MOK: variants seen among roughly 807,000 people sequenced by gnomAD.
MOK encodes MAPK/MAK/MRK overlapping kinase.
In MOK, 59 loss-of-function variants were observed where a neutral mutation model predicts 54.2. The ratio of observed to expected loss-of-function variants is 1.09; its 90% CI spans 0.88 to 1.35. MOK has a LOEUF of 1.35. MOK is among the 40% of genes most tolerant of loss of function. The pLI is 0.00. For synonymous variants in MOK, 210 were observed against 202.7 expected, an observed-to-expected ratio of 1.04 and a Z score of -0.31; for missense variants, 517 against 526.2, an observed-to-expected ratio of 0.98 and a Z score of 0.17.
chr14:102,228,485 T>C (rs1040827265), downstream of MOK, among the ~76,000 whole-genome samples: 4 of 151,770 alleles, frequency 2.6e-5, no homozygotes, highest in African/African-American at 9.7e-5. Flanking sequence ...TCACCTGAAG[T>C]CGGGAGTTTT....
chr14:102,248,651 G>A (rs1005127920), intron 7 of MOK, among the ~76,000 whole-genome samples: 1 of 151,842 alleles, frequency 6.6e-6, no homozygotes, highest in African/African-American at 2.4e-5. Context: ...GCTGGCGGGT[G>A]CCTGTAGTCC....
chr14:102,281,534 C>A, intron 2 of MOK, among the ~76,000 whole-genome samples: 1 of 148,722 alleles, frequency 6.7e-6, no homozygotes. Flanking sequence ...AAAAGCATCA[C>A]ACCCTACTGT....
chr14:102,216,856 C>G, the MOK span, among the ~76,000 whole-genome samples: 1 of 152,160 alleles, frequency 6.6e-6, no homozygotes, highest in Non-Finnish European at 1.5e-5. Context: ...TCACTTGAAC[C>G]CAGGAGGTGG....
At chr14:102,237,022 C>A (rs1222305545) in intron 7 of MOK, among the ~76,000 whole-genome samples, 1 of 152,206 alleles carries the variant, frequency 6.6e-6, no homozygotes, top group East Asian at 1.9e-4. Flanking sequence ...CTGCTATTGA[C>A]CTAAAAGATG....
chr14:102,282,596 G>A (rs1232693156), intron 2 of MOK, among the ~76,000 whole-genome samples: 6 of 151,930 alleles, frequency 3.9e-5, no homozygotes, highest in East Asian at 3.9e-4. Context: ...TTAGCCAGGC[G>A]TGTGGTGTGC....
At chr14:102,217,298 G>C in the MOK span, among the ~76,000 whole-genome samples, 18 of 152,350 alleles carry the variant, frequency 1.2e-4, no homozygotes, top group Admixed American at 8.5e-4. Flanking sequence ...AAGGCCCACT[G>C]ACTTGCACAC....
chr14:102,223,174 T>A (rs917352177), downstream of MOK: 2 of 201,222 alleles, frequency 9.9e-6, no homozygotes, highest in African/African-American at 4.7e-5. Context: ...CATATATATA[T>A]AATATATACA....
chr14:102,272,915 T>C (rs1473039313), intron 2 of MOK, among the ~76,000 whole-genome samples: 1 of 152,212 alleles, frequency 6.6e-6, no homozygotes, highest in African/African-American at 2.4e-5. Flanking sequence ...CTCACGCCTG[T>C]AATCCCAGCA....
In MOK at chr14:102,233,687, CT is replaced by C; in HGVS notation, c.692del (p.Gln231ArgfsTer5). 6 of 1,610,562 alleles carry C rather than the reference CT, an allele frequency of 3.7e-6. No homozygotes were observed. The highest frequency in any genetic ancestry group is 5.1e-6 in the Non-Finnish European group (6 of 1,176,736). On this transcript the variant is annotated frameshift_variant and splice_region_variant, in exon 8 of 12. Transcript: ENST00000361847. LOFTEE classifies it high-confidence loss of function. Reference sequence around the variant, plus strand: ...ATCCACTCTCAGAACACAATACTTACTGTTTGAACTTGGTGAGGATCTTCTG... The same window carrying C: ...ATCCACTCTCAGAACACAATACTTACGTTTGAACTTGGTGAGGATCTTCTG... The part of the protein sequence containing the change: ...PAQKILTKFK[Q>X]SRAMNFDFPF...
chr14:102,261,291 T>C (rs773621801), intron 4 of MOK, among the ~76,000 whole-genome samples: 65 of 134,274 alleles, frequency 4.8e-4, no homozygotes, highest in Middle Eastern at 4.7e-3. Flanking sequence ...TGGTAGCACA[T>C]GCCTGTAGTC....
At chr14:102,273,093 C>G (rs1230450544) in intron 2 of MOK, among the ~76,000 whole-genome samples, 1 of 151,782 alleles carries the variant, frequency 6.6e-6, no homozygotes, top group Non-Finnish European at 1.5e-5. Flanking sequence ...TCACTTGAAC[C>G]CGGGAGGTGG....
intron 2 of MOK, among the ~76,000 whole-genome samples, chr14:102,266,666 T>C (rs1038746250): frequency 1.3e-5 from 2 of 152,154 alleles, no homozygotes; most frequent in African/African-American, 4.8e-5. Context: ...CACTGCAACC[T>C]CTGCCTCCCG....
chr14:102,299,690 A>G (rs1057467374), intron 1 of MOK, among the ~76,000 whole-genome samples: 4 of 152,086 alleles, frequency 2.6e-5, no homozygotes, highest in African/African-American at 7.2e-5. Flanking sequence ...GGTTCAAGCA[A>G]TGCTCCTCCC....
Position 102,240,289 on chromosome 14 carries a change from C to T in MOK, c.591-6500G>A, listed in dbSNP as rs944906828. On this transcript the variant is annotated intron_variant, in intron 7 of 11. Coordinates refer to ENST00000361847, the MANE Select transcript of MOK (RefSeq NM_014226.3). This position sits in a 1 kb window ranked among gnomAD's most constrained non-coding sequence, Gnocchi z 5.4. ...ACAGCCTTGTTGCTCACACAAAGCC[C>T]GTTTGGTGGTCTCTTCACAGGGACG... is the stretch of plus-strand genomic sequence containing the variant. Among the ~76,000 whole-genome samples the T allele has an allele frequency of 2.0e-5, 3 of 152,186 alleles. No individual in the cohort carries two copies. Among genetic ancestry groups the T allele is most frequent in the African/African-American group, 7.2e-5 (3 of 41,448 alleles).
At chr14:102,271,529 T>C (rs2068360433) in intron 2 of MOK, among the ~76,000 whole-genome samples, 1 of 152,200 alleles carries the variant, frequency 6.6e-6, no homozygotes, top group Non-Finnish European at 1.5e-5. Context: ...CTTGTTCTGT[T>C]AGACCTGAAA....
intron 2 of MOK, among the ~76,000 whole-genome samples, chr14:102,281,180 C>T (rs767353769): frequency 2.6e-5 from 4 of 151,948 alleles, no homozygotes; most frequent in South Asian, 2.1e-4. Flanking sequence ...AAAAATTAGC[C>T]GAGTGCTGTG....
chr14:102,226,119 G>T, downstream of MOK: 1 of 582,498 alleles, frequency 1.7e-6, no homozygotes, highest in Non-Finnish European at 3.1e-6. This position sits in a 1 kb window ranked among gnomAD's most constrained non-coding sequence, Gnocchi z 4.8. Context: ...ACACGAAGAC[G>T]TGCACGTCTG....
chr14:102,251,870 TA>T, intron 5 of MOK, 46 bp downstream of exon 5: 1 of 1,533,982 alleles, frequency 6.5e-7, no homozygotes, highest in Non-Finnish European at 9.0e-7. Context: ...ATCTGAATGT[TA>T]ACACATTTTA....
chr14:102,294,711 G>A (rs1470371135), intron 1 of MOK, among the ~76,000 whole-genome samples: 1 of 152,006 alleles, frequency 6.6e-6, no homozygotes. Context: ...TAAGAGAAGA[G>A]GGAATTTACA....
Sources: allele counts gnomAD v4.1 joint callset (sites outside exome capture counted in the v4.1 genomes callset), GRCh38; gene constraint gnomAD v4.1.1; non-coding constraint Gnocchi (gnomAD v3.1); transcripts MANE v1.5; gene names NCBI Gene and HGNC (gene_info 2026-07-23, HGNC 2026-07-21).